DENND6B: variants seen among roughly 807,000 people sequenced by gnomAD.
The protein encoded by DENND6B is DENN domain containing 6B.
In DENND6B, 73 loss-of-function variants were observed where a neutral mutation model predicts 85.1. The observed-to-expected ratio is 0.86, with a 90% confidence interval of 0.71 to 1.04. The LOEUF is 1.04. Among genes scored for constraint, DENND6B ranks in the 50% least tolerant of loss-of-function variants. The probability of loss-of-function intolerance (pLI) is 0.00; values close to 1 mark genes in which losing one functional copy is unlikely to be tolerated. For missense variants in DENND6B, 715 were observed against 785.8 expected, an observed-to-expected ratio of 0.91 and a Z score of 1.08; for synonymous variants, 357 against 329.3, an observed-to-expected ratio of 1.08 and a Z score of -0.91.
intron 9 of DENND6B, 122 bp from the exon 10 acceptor site, chr22:50,315,043 G>T: frequency 7.3e-7 from 1 of 1,369,250 alleles, no homozygotes; most frequent in Non-Finnish European, 1.0e-6. Context: ...CGCTGCTCCA[G>T]GGTGAAGACA....
chr22:50,323,335 G>C (rs1198724770), intron 1 of DENND6B, among the ~76,000 whole-genome samples: 2 of 147,530 alleles, frequency 1.4e-5, no homozygotes, highest in Non-Finnish European at 3.0e-5. Context: ...TGTCACCCAG[G>C]CTGGAGTGCA....
rs780591332 is a variant in DENND6B at position 50,313,765 on chromosome 22, C to G, written c.1204-41G>C. 55 of 1,608,704 alleles carry G rather than the reference C, an allele frequency of 3.4e-5. No individual in the cohort carries two copies. In the Admixed American group the frequency reaches 8.6e-4, roughly 25 times the overall value. On this transcript the variant is annotated intron_variant, in intron 14 of 19. Coordinates refer to ENST00000413817, the MANE Select transcript of DENND6B (RefSeq NM_001001794.4). ...GGCCAGGCCCTTGCTGCGCTTCACA[C>G]CACACCAGGCTCCCTGCGTCCCCAG...
rs866954182 is a variant in DENND6B at position 50,320,811 on chromosome 22, A to G, written c.178-1808T>C. ...ACTCTGCACCTGGTCTGCCAGTCACAGGAGCCTGTGGCCTCTGAGCTCCGT... is the reference window on the plus strand; with the variant it reads ...ACTCTGCACCTGGTCTGCCAGTCACGGGAGCCTGTGGCCTCTGAGCTCCGT... On this transcript the variant is annotated intron_variant, in intron 1 of 19. Transcript: ENST00000413817. Among the ~76,000 whole-genome samples, 67 of 152,334 alleles carry G rather than the reference A, an allele frequency of 4.4e-4. 2 individuals are homozygous for G. Among genetic ancestry groups the G allele is most frequent in the South Asian group, 6.2e-4 (3 of 4,826 alleles).
rs1029268863 is a variant in DENND6B at position 50,326,807 on chromosome 22, C to T, written c.177+5G>A. On this transcript the variant is annotated splice_donor_5th_base_variant and intron_variant, in intron 1 of 19. Transcript: ENST00000413817. ...CCGCCCGCGCCCGCGCTCGCGCCCG[C>T]TCACCTCCAGCGCCTGGCCCAGCTC... 1.4e-6 allele frequency: 2 copies of T among 1,397,314 alleles called. No homozygotes were observed. Among genetic ancestry groups the T allele is most frequent in the Non-Finnish European group, 1.9e-6 (2 of 1,080,338 alleles). 86.6% of individuals were successfully genotyped at this position (1,397,314 alleles called of 1,614,324 possible).
chr22:50,314,919 C>T lies in DENND6B; in HGVS notation c.761G>A (p.Cys254Tyr). 1 of 1,608,804 alleles carries T rather than the reference C, an allele frequency of 6.2e-7. No individual in the cohort carries two copies. The highest frequency in any genetic ancestry group is 8.5e-7 in the Non-Finnish European group (1 of 1,177,018). The change falls in exon 10 of 20, where the codon TGC (cysteine) becomes TAC (tyrosine). Residue 254 changes from cysteine (C) to tyrosine (Y), a missense_variant and splice_region_variant. Coordinates refer to ENST00000413817, the MANE Select transcript of DENND6B (RefSeq NM_001001794.4). ...ASVHELDLFRCFRPVLTHMQT... is the reference protein window; with the variant it reads ...ASVHELDLFRYFRPVLTHMQT... ...CATATGAGTCAGCACAGGCCGGAAGCACCTGGGGCCGGGCAGGAAGGTCGG... is the reference window on the plus strand; with the variant it reads ...CATATGAGTCAGCACAGGCCGGAAGTACCTGGGGCCGGGCAGGAAGGTCGG...
chr22:50,311,861 C>T lies in DENND6B; in HGVS notation c.*278G>A. Reference sequence around the variant, plus strand: ...ACCCACATCAGCAAGGGCTCCCAGCCTGTCCCCGCCCCCGTCCCAGCCTAA... The same window carrying T: ...ACCCACATCAGCAAGGGCTCCCAGCTTGTCCCCGCCCCCGTCCCAGCCTAA... On this transcript the variant is annotated 3_prime_UTR_variant, in exon 20 of 20. Transcript: ENST00000413817. The T allele has an allele frequency of 2.0e-6, 1 of 492,750 alleles. No homozygotes were observed. Among genetic ancestry groups the T allele is most frequent in the Non-Finnish European group, 3.6e-6 (1 of 278,654 alleles). The allele number at this position is 492,750 out of a possible 1,614,324, so 30.5% of individuals were successfully genotyped here.
intron 1 of DENND6B, among the ~76,000 whole-genome samples, chr22:50,321,018 C>T (rs1388219448): frequency 1.3e-5 from 2 of 152,206 alleles, no homozygotes; most frequent in Admixed American, 6.5e-5. Context: ...ATCTTCAGGG[C>T]AAGGAGGCCT....
chr22:50,319,904 G>C (rs2147785275), intron 1 of DENND6B, among the ~76,000 whole-genome samples: 1 of 152,400 alleles, frequency 6.6e-6, no homozygotes, highest in Middle Eastern at 3.4e-3. Flanking sequence ...AGCAGGCGCT[G>C]AATGACTTGG....
chr22:50,313,311 G>T, intron 16 of DENND6B, 135 bp downstream of exon 16: 1 of 1,307,266 alleles, frequency 7.6e-7, no homozygotes, highest in Non-Finnish European at 1.0e-6. Context: ...GTGGCCCCCA[G>T]TTTCACAAAC....
Position 50,311,974 on chromosome 22 carries a change from A to G in DENND6B, c.*165T>C, listed in dbSNP as rs2068067189. On this transcript the variant is annotated 3_prime_UTR_variant, in exon 20 of 20. Coordinates refer to ENST00000413817, the MANE Select transcript of DENND6B (RefSeq NM_001001794.4). ...GGTCAAGGCCATGCTGTGGTTCCAA[A>G]TGTCGCCTTTACTGCTGAGACAATG... The G allele has an allele frequency of 1.7e-6, 2 of 1,203,972 alleles. No homozygotes were observed. Among genetic ancestry groups the G allele is most frequent in the Non-Finnish European group, 1.1e-6 (1 of 886,632 alleles). 74.6% of individuals were successfully genotyped at this position (1,203,972 alleles called of 1,614,324 possible). A position where few individuals can be genotyped will look rare whatever the true frequency, so the allele number is the denominator to read the frequency against.
Position 50,317,346 on chromosome 22 carries a change from C to T in DENND6B, c.400G>A (p.Val134Met), listed in dbSNP as rs747816538. 2.9e-5 allele frequency: 47 copies of T among 1,612,902 alleles called. No homozygotes were observed. The highest frequency in any genetic ancestry group is 8.0e-5 in the African/African-American group (6 of 74,906). ...CTGTCCTTCACCTGCCTGAAGTACA[C>T]GTAGCCGAAGTAGTGTGCCGGCTCC... is the stretch of plus-strand genomic sequence containing the variant. Reference protein sequence around the residue: ...QREPAHYFGYVYFRQVKDSSV... With the variant: ...QREPAHYFGYMYFRQVKDSSV... The change falls in exon 5 of 20, where the codon GTG becomes ATG. Residue 134 changes from valine (V) to methionine (M), a missense_variant. By Grantham distance (21) the Val-to-Met change is conservative. Transcript: ENST00000413817.
Position 50,313,923 on chromosome 22 carries a change from C to G in DENND6B, c.1139-45G>C, listed in dbSNP as rs1241946407. 7.0e-6 allele frequency: 11 copies of G among 1,560,680 alleles called. No individual in the cohort carries two copies. In the Admixed American group the frequency reaches 1.4e-4, roughly 21 times the overall value. Reference sequence around the variant, plus strand: ...GGCGCCCCACCCTTCAAGGGCCTCCCTCCCACACTCCTGCAGCCCCACAGA... The same window carrying G: ...GGCGCCCCACCCTTCAAGGGCCTCCGTCCCACACTCCTGCAGCCCCACAGA... On this transcript the variant is annotated intron_variant, in intron 13 of 19. Transcript: ENST00000413817.
rs769039031 is a variant in DENND6B, at chr22:50,318,028, G to A, written c.260-8C>T. 1 of 1,611,734 alleles carries A rather than the reference G, an allele frequency of 6.2e-7. No individual in the cohort carries two copies. The highest frequency in any genetic ancestry group is 1.1e-5 in the South Asian group (1 of 91,046). ...GAGTGTCTCCAAGGCAGCCTAAGAA[G>A]GGGCAGCCCCACCACACGGGTCAAG... is the stretch of plus-strand genomic sequence containing the variant. On this transcript the variant is annotated splice_region_variant and splice_polypyrimidine_tract_variant and intron_variant, in intron 3 of 19. Transcript: ENST00000413817.
In DENND6B at chr22:50,313,622, C is replaced by T. The variant is rs777141971; in HGVS notation, c.1293+13G>A. 5 of 1,558,842 alleles carry T rather than the reference C, an allele frequency of 3.2e-6. No homozygotes were observed. The highest frequency in any genetic ancestry group is 2.4e-5 in the South Asian group (2 of 84,782). On this transcript the variant is annotated intron_variant, in intron 15 of 19. Coordinates refer to ENST00000413817, the MANE Select transcript of DENND6B (RefSeq NM_001001794.4). ...TGCCCCCCAGTCCCATGTCCCCCAG[C>T]CCCGGGCCTCACCAGGGGGATGATG...
chr22:50,315,870 C>T, intron 8 of DENND6B, 101 bp from the exon 9 acceptor site: 3 of 1,481,062 alleles, frequency 2.0e-6, no homozygotes, highest in Non-Finnish European at 2.7e-6. Context: ...GGAGAGCACC[C>T]AGCCCTACAC....
intron 1 of DENND6B, among the ~76,000 whole-genome samples, chr22:50,321,183 G>A (rs962371699): frequency 2.0e-5 from 3 of 152,062 alleles, no homozygotes; most frequent in African/African-American, 7.2e-5. Context: ...CCAAGGTATG[G>A]CCGGGCCACC....
intron 3 of DENND6B, 57 bp downstream of exon 3, chr22:50,318,790 C>T: frequency 1.9e-6 from 3 of 1,603,034 alleles, no homozygotes; most frequent in Non-Finnish European, 2.6e-6. Flanking sequence ...CTGGCCCAGG[C>T]TACAGGGATG....
In DENND6B at chr22:50,312,567, C is replaced by T. The variant is rs375517464; in HGVS notation, c.1516G>A (p.Ala506Thr). 79 of 1,596,060 alleles carry T rather than the reference C, an allele frequency of 4.9e-5. No homozygotes were observed. The highest frequency in any genetic ancestry group is 1.6e-4 in the Middle Eastern group (1 of 6,062). Residue 506 changes from alanine to threonine, a missense_variant, in exon 18 of 20, where the codon GCC (alanine) becomes ACC (threonine). Coordinates refer to ENST00000413817, the MANE Select transcript of DENND6B (RefSeq NM_001001794.4). The part of the protein sequence containing the change: ...GWYRQRHKEM[A>T]LKLEALHLEA... ...AGGTGCAGGGCCTCCAGCTTCAGGG[C>T]CATCTCCTTGTGCCGCTGCCGGTAC...
intron 9 of DENND6B, 139 bp from the exon 10 acceptor site, chr22:50,315,060 T>C (rs2041760373): frequency 1.6e-6 from 2 of 1,214,956 alleles, no homozygotes; most frequent in South Asian, 3.0e-5. Flanking sequence ...GACAGATCTA[T>C]CTGAAGATGT....
Sources: gnomAD v4.1 joint callset for allele counts (sites outside exome capture counted in the v4.1 genomes callset) on GRCh38, gnomAD v4.1.1 for gene constraint, MANE v1.5 for transcripts, NCBI Gene and HGNC (gene_info 2026-07-23, HGNC 2026-07-21) for gene names.